The following TMEM161B variants were observed in gnomAD, a reference collection of about 807,000 sequenced individuals.
TMEM161B encodes the protein transmembrane protein 161B.
In TMEM161B, 34 loss-of-function variants were observed where a neutral mutation model predicts 61.8. The ratio of observed to expected loss-of-function variants is 0.55; its 90% confidence interval spans 0.42 to 0.73. The LOEUF is 0.73. Among genes scored for constraint, TMEM161B ranks in the 30% least tolerant of loss-of-function variants. The pLI is 0.00. For missense variants in TMEM161B, 456 were observed against 558.5 expected (o/e 0.82, Z 1.85); for synonymous variants, 167 against 192.8 (o/e 0.87, Z 1.11).
Position 88,201,076 on chromosome 5 carries a change from ATAACT to A in TMEM161B, c.914+1881_914+1885del, listed in dbSNP as rs1042305723. On this transcript the variant is annotated intron_variant, in intron 9 of 11. Coordinates refer to ENST00000296595, the MANE Select transcript of TMEM161B (RefSeq NM_153354.5). ...TAACAAAAATTAAAAACTGCCTCTA[ATAACT>A]TAACCACGAATTCAAATTAAAGAAG... 8 of 152,178 alleles carry A rather than the reference ATAACT, an allele frequency of 5.3e-5. No homozygotes were observed. The Middle Eastern group carries it at 0.01, about 194-fold the overall frequency. 9.4% of individuals were successfully genotyped at this position (152,178 alleles called of 1,614,324 possible). A position where few individuals can be genotyped will look rare whatever the true frequency, so the allele number is the denominator to read the frequency against.
At chr5:88,229,685 T>C (rs945089113) in intron 2 of TMEM161B, among the ~76,000 whole-genome samples, 1 of 147,678 alleles carries the variant, frequency 6.8e-6, no homozygotes, top group Non-Finnish European at 1.5e-5. Flanking sequence ...TCTAGTATGC[T>C]AGACCCCCCA....
rs1341337584 is a variant in TMEM161B, at chr5:88,228,450, T to C, written c.186A>G (p.Lys62=). 4 of 1,599,396 alleles carry C rather than the reference T, an allele frequency of 2.5e-6. No individual in the cohort carries two copies. The highest frequency in any genetic ancestry group is 3.4e-6 in the Non-Finnish European group (4 of 1,172,182). Residue 62 remains lysine (K), a synonymous_variant, in exon 3 of 12, where the codon AAA becomes AAG. Transcript: ENST00000296595. ...ACAAGCTCAATAAAACTTACCTATC[T>C]TTTTTGGTTTTCCCTTTTTGTTGTT... ...AGKQQKGKTK[K]DRKYNGHIES...
At chr5:88,258,142 C>G (rs1319534598) in intron 1 of TMEM161B, among the ~76,000 whole-genome samples, 6 of 152,150 alleles carry the variant, frequency 3.9e-5, no homozygotes, top group South Asian at 2.1e-4. Context: ...TCATCAAGAA[C>G]TAAATGTCTC....
Position 88,199,087 on chromosome 5 carries a change from C to T in TMEM161B, c.978G>A (p.Arg326=). The change falls in exon 10 of 12, where the codon CGG becomes CGA. Residue 326 remains arginine (R), a synonymous_variant. Coordinates refer to ENST00000296595, the MANE Select transcript of TMEM161B (RefSeq NM_153354.5). ...LWLIILLCAL[R]LAMMRSHLQA... Reference sequence around the variant, plus strand: ...GCAGGTGACTACGCATCATGGCCAACCGCAAAGCACACAGCAGGATTATTA... The same window carrying T: ...GCAGGTGACTACGCATCATGGCCAATCGCAAAGCACACAGCAGGATTATTA... 1.2e-6 allele frequency: 2 copies of T among 1,613,028 alleles called. No homozygotes were observed. The highest frequency in any genetic ancestry group is 1.7e-6 in the Non-Finnish European group (2 of 1,179,398).
intron 1 of TMEM161B, among the ~76,000 whole-genome samples, chr5:88,259,036 G>A (rs1170883325): frequency 6.6e-6 from 1 of 152,178 alleles, no homozygotes; most frequent in Non-Finnish European, 1.5e-5. Context: ...AGAACAGCTT[G>A]TTGAAGTTCC....
At chr5:88,227,350 C>G (rs1352706840) in intron 3 of TMEM161B, among the ~76,000 whole-genome samples, 6 of 152,296 alleles carry the variant, frequency 3.9e-5, no homozygotes, top group Non-Finnish European at 4.4e-5. Flanking sequence ...TTTAACATCT[C>G]TGATCCTAGC....
rs1749665788 is a variant in TMEM161B, at chr5:88,224,730, T to C, written c.289+1039A>G. On this transcript the variant is annotated intron_variant, in intron 4 of 11. Coordinates refer to ENST00000296595, the MANE Select transcript of TMEM161B (RefSeq NM_153354.5). ...TGCGTGTCTACTTATATGCAGATTC[T>C]CTTCCACCTCTGCCACCCCTGACCA... Among the ~76,000 whole-genome samples, 5 of 152,280 alleles carry C rather than the reference T, an allele frequency of 3.3e-5. No individual in the cohort carries two copies. In the South Asian group the frequency reaches 1.0e-3, roughly 32 times the overall value.
chr5:88,199,224 C>A, intron 9 of TMEM161B, 74 bp from the exon 10 acceptor site: 2 of 1,415,416 alleles, frequency 1.4e-6, no homozygotes, highest in South Asian at 2.8e-5. Context: ...TGTTAATGGT[C>A]ACCATATAAG....
intron 5 of TMEM161B, among the ~76,000 whole-genome samples, chr5:88,211,486 G>A (rs539259858): frequency 1.2e-4 from 18 of 152,096 alleles, no homozygotes; most frequent in African/African-American, 3.1e-4. Flanking sequence ...AAGACCGGGC[G>A]TGGTGGCTCA....
At chr5:88,216,614 A>G in intron 5 of TMEM161B, among the ~76,000 whole-genome samples, 1 of 152,216 alleles carries the variant, frequency 6.6e-6, no homozygotes, top group South Asian at 2.1e-4. Flanking sequence ...CTTCTAGTCT[A>G]AACTATACCT....
intron 1 of TMEM161B, among the ~76,000 whole-genome samples, chr5:88,242,702 CTGGTACAG>C (rs1379492834): frequency 1.3e-5 from 2 of 151,512 alleles, no homozygotes; most frequent in African/African-American, 4.8e-5. Context: ...GAAATTGTGC[CTGGTACAG>C]AGTTATGTTA....
At chr5:88,258,149 T>TA (rs1561427252) in intron 1 of TMEM161B, among the ~76,000 whole-genome samples, 6 of 152,202 alleles carry the variant, frequency 3.9e-5, no homozygotes, top group South Asian at 2.1e-4. Flanking sequence ...GAACTAAATG[T>TA]CTCAATTAAA....
chr5:88,266,655 A>C (rs940489172), intron 1 of TMEM161B, among the ~76,000 whole-genome samples: 13 of 152,190 alleles, frequency 8.5e-5, no homozygotes, highest in Non-Finnish European at 1.8e-4. Context: ...TTCTTTTCAT[A>C]ATATCATTAG....
intron 2 of TMEM161B, among the ~76,000 whole-genome samples, chr5:88,233,702 A>C (rs1410299181): frequency 7.2e-5 from 11 of 152,158 alleles, no homozygotes; most frequent in Admixed American, 7.2e-4. Context: ...AGTAAGCAAT[A>C]AAGGATAATA....
At chr5:88,223,524 C>A (rs1749403456) in intron 4 of TMEM161B, among the ~76,000 whole-genome samples, 1 of 151,972 alleles carries the variant, frequency 6.6e-6, no homozygotes, top group Non-Finnish European at 1.5e-5. Flanking sequence ...AGTCAAAGTG[C>A]CTTTAAATGT....
At chr5:88,206,359 C>T (rs1430450097) in intron 7 of TMEM161B, 80 bp downstream of exon 7, 2 of 1,170,774 alleles carry the variant, frequency 1.7e-6, no homozygotes, top group Non-Finnish European at 2.4e-6. Context: ...TAATTTAAAA[C>T]AGCTATTTAT....
chr5:88,208,659 A>G (rs560089028), intron 5 of TMEM161B, among the ~76,000 whole-genome samples: 19 of 152,306 alleles, frequency 1.2e-4, no homozygotes, highest in African/African-American at 4.6e-4. Flanking sequence ...ACAAAAAACA[A>G]ACAACAGCAG....
chr5:88,223,885 T>C (rs1274542548), intron 4 of TMEM161B, among the ~76,000 whole-genome samples: 1 of 150,860 alleles, frequency 6.6e-6, no homozygotes, highest in African/African-American at 2.4e-5. Context: ...CGAGACTCCA[T>C]CTCAAAAAAA....
intron 3 of TMEM161B, among the ~76,000 whole-genome samples, chr5:88,227,851 T>C (rs1580535610): frequency 6.6e-6 from 1 of 152,164 alleles, no homozygotes; most frequent in South Asian, 2.1e-4. Flanking sequence ...AATAGAGATA[T>C]AAAATCTTAA....
Sources: allele counts gnomAD v4.1 joint callset (sites outside exome capture counted in the v4.1 genomes callset), GRCh38; gene constraint gnomAD v4.1.1; transcripts MANE v1.5; gene names NCBI Gene and HGNC (gene_info 2026-07-23, HGNC 2026-07-21).